Variants in ZNF106 observed in about 807,000 individuals in gnomAD.
ZNF106 encodes zinc finger protein 106, also known as SH3-domain binding protein 3.
Under a neutral mutation model 195.1 loss-of-function variants are expected in ZNF106, and 67 were observed. The observed-to-expected ratio is 0.34, with a 90% CI of 0.28 to 0.42. The LOEUF is 0.42. Among genes scored for constraint, ZNF106 ranks in the 10% least tolerant of loss-of-function variants. The pLI, the probability that ZNF106 is intolerant of heterozygous loss-of-function variation, is 1.00. For synonymous variants in ZNF106, 784 were observed against 818.6 expected, an observed-to-expected ratio of 0.96 and a Z score of 0.72; for missense variants, 2,118 against 2,304.5, an observed-to-expected ratio of 0.92 and a Z score of 1.66.
chr15:42,467,028 G>A (rs1307284384), intron 2 of ZNF106, among the ~76,000 whole-genome samples: 1 of 152,198 alleles, frequency 6.6e-6, no homozygotes, highest in African/African-American at 2.4e-5. Flanking sequence ...AGCTAGTCAG[G>A]AGGCTGAGGC....
intron 20 of ZNF106, among the ~76,000 whole-genome samples, chr15:42,420,212 AAAT>A (rs374052110): frequency 4.0e-4 from 61 of 152,342 alleles, no homozygotes; most frequent in African/African-American, 1.4e-3. Context: ...CTTGAGTTTT[AAAT>A]TGCACATTAT....
intron 1 of ZNF106, among the ~76,000 whole-genome samples, chr15:42,479,858 AAAAT>A (rs1214036704): frequency 1.3e-5 from 2 of 152,052 alleles, no homozygotes; most frequent in African/African-American, 4.8e-5. Context: ...TAAATAAATA[AAAAT>A]AAATAAAGAC....
chr15:42,450,158 G>C lies in ZNF106; in HGVS notation c.2114C>G (p.Ser705Cys), dbSNP rs1488747164. The change falls in exon 5 of 22, where the codon TCT becomes TGT. Residue 705 changes from serine to cysteine, a missense_variant. Ser to Cys is a moderately radical substitution (Grantham distance 112). Transcript: ENST00000564754. ...TTCATAAGATACATGAGATTTAATA[G>C]AGTCATCAACCTGTGCATCTTCTAG... ...TSLEDAQVDDSIKSHVSYETE... is the reference protein window; with the variant it reads ...TSLEDAQVDDCIKSHVSYETE... 6.2e-7 allele frequency: 1 copy of C among 1,614,170 alleles called. No individual in the cohort carries two copies. Among genetic ancestry groups the C allele is most frequent in the South Asian group, 1.1e-5 (1 of 91,080 alleles).
At chr15:42,463,910 G>A (rs2056452769) in intron 3 of ZNF106, among the ~76,000 whole-genome samples, 1 of 152,210 alleles carries the variant, frequency 6.6e-6, no homozygotes, top group East Asian at 1.9e-4. Flanking sequence ...ATAAGAGACT[G>A]GGGGCAGGGA....
intron 14 of ZNF106, among the ~76,000 whole-genome samples, chr15:42,435,071 G>A (rs2055221676): frequency 6.6e-6 from 1 of 152,154 alleles, no homozygotes; most frequent in Non-Finnish European, 1.5e-5. Context: ...ACTGAGCCCG[G>A]CCTACATTTT....
rs74422116 is a variant in ZNF106 at position 42,455,139 on chromosome 15, G to A, written c.317+1819C>T. Among the ~76,000 whole-genome samples, 678 of 152,326 alleles carry A rather than the reference G, an allele frequency of 4.5e-3. 9 individuals carry two copies. The highest frequency in any genetic ancestry group is 0.031 in the Middle Eastern group (9 of 294). ...CAACTATATTAAAAGTAATGAAAAT[G>A]TCATTTGAAGGACTAAGCTACTAAA... On this transcript the variant is annotated intron_variant, in intron 4 of 21. Transcript: ENST00000564754.
In ZNF106 at chr15:42,413,066, C is replaced by T. The variant is rs758746509; in HGVS notation, c.*4238G>A. On this transcript the variant is annotated 3_prime_UTR_variant, in exon 22 of 22. Coordinates refer to ENST00000564754, the MANE Select transcript of ZNF106 (RefSeq NM_001366845.3). ...TCTTAAATAGGAGAAAGATTTTCAA[C>T]AGCTTTTCCTCCTTGACCCCCTCCT... is the stretch of plus-strand genomic sequence containing the variant. 5 of 152,196 alleles carry T rather than the reference C, an allele frequency of 3.3e-5. No individual in the cohort carries two copies. The highest frequency in any genetic ancestry group is 5.9e-5 in the Non-Finnish European group (4 of 68,028). 9.4% of individuals were successfully genotyped at this position (152,196 alleles called of 1,614,324 possible). A position where few individuals can be genotyped will look rare whatever the true frequency, so the allele number is the denominator to read the frequency against.
At position 42,465,944 on chromosome 15, in the gene ZNF106, TAAGAC is replaced by T. The variant is rs537184896; in HGVS notation, c.116+104_116+108del. ...AATTCTAAAAGGTTGTTCTACGCCA[TAAGAC>T]AACATTTGCTTTTGACGGATTACTG... On this transcript the variant is annotated intron_variant, in intron 3 of 21. Coordinates refer to ENST00000564754, the MANE Select transcript of ZNF106 (RefSeq NM_001366845.3). 1,108 of 882,028 alleles carry T rather than the reference TAAGAC, an allele frequency of 1.3e-3. 1 individual carries two copies. Among genetic ancestry groups the T allele is most frequent in the Non-Finnish European group, 1.7e-3 (1,024 of 600,754 alleles). The allele number at this position is 882,028 out of a possible 1,614,324, so 54.6% of individuals were successfully genotyped here. A position where few individuals can be genotyped will look rare whatever the true frequency, so the allele number is the denominator to read the frequency against.
intron 4 of ZNF106, among the ~76,000 whole-genome samples, chr15:42,452,472 G>A (rs999022830): frequency 6.6e-6 from 1 of 151,964 alleles, no homozygotes; most frequent in Non-Finnish European, 1.5e-5. Context: ...GCAGTGAGCT[G>A]AGATTATGCC....
In ZNF106 at chr15:42,450,102, C is replaced by T. The variant is rs748336891; in HGVS notation, c.2170G>A (p.Ala724Thr). The T allele has an allele frequency of 6.2e-7, 1 of 1,614,076 alleles. No homozygotes were observed. Among genetic ancestry groups the T allele is most frequent in the Non-Finnish European group, 8.5e-7 (1 of 1,180,036 alleles). Reference protein sequence around the residue: ...TEGFESASLDAELQKSDISQP... With the variant: ...TEGFESASLDTELQKSDISQP... ...CTGATGTCACTTTTTTGAAGCTCTG[C>T]ATCCAAGCTAGCACTCTCAAAGCCT... The change falls in exon 5 of 22, where the codon GCA becomes ACA. Residue 724 changes from alanine to threonine, a missense_variant. Physicochemically the swap from Ala to Thr is moderately conservative, Grantham distance 58. Transcript: ENST00000564754.
chr15:42,439,049 C>T lies in ZNF106; in HGVS notation c.4528G>A (p.Asp1510Asn). Residue 1510 changes from aspartate to asparagine, a missense_variant, in exon 11 of 22, where the codon GAT (aspartate) becomes AAT (asparagine). Coordinates refer to ENST00000564754, the MANE Select transcript of ZNF106 (RefSeq NM_001366845.3). ...STSEIGTRYK[D>N]GIPVSVAETQ... ...TATTCTTACCTTACAGGGATGCCATCTTTATAGCGAGTGCCAATTTCACTG... is the reference window on the plus strand; with the variant it reads ...TATTCTTACCTTACAGGGATGCCATTTTTATAGCGAGTGCCAATTTCACTG... 6.2e-7 allele frequency: 1 copy of T among 1,613,474 alleles called. No homozygotes were observed. The highest frequency in any genetic ancestry group is 8.5e-7 in the Non-Finnish European group (1 of 1,179,684).
intron 3 of ZNF106, among the ~76,000 whole-genome samples, chr15:42,461,053 C>T (rs1426960886): frequency 3.9e-5 from 6 of 152,036 alleles, no homozygotes; most frequent in Non-Finnish European, 7.4e-5. Context: ...CACACATCTG[C>T]GTTTTCAGGA....
intron 2 of ZNF106, among the ~76,000 whole-genome samples, chr15:42,468,068 C>CCT (rs1211217905): frequency 9.8e-6 from 1 of 102,132 alleles, no homozygotes; most frequent in African/African-American, 4.0e-5. Flanking sequence ...TTCAAAACGC[C>CCT]TTTTTTTTTT....
rs183708603 is a variant in ZNF106, at chr15:42,490,056, T to A, written c.-33+924A>T. On this transcript the variant is annotated intron_variant, in intron 1 of 21. Transcript: ENST00000564754. ...TCCGTCCTAAAAAAAATAATAATAA[T>A]AAAAATAAATAAAAATACAAAAAAT... Among the ~76,000 whole-genome samples, 559 of 149,982 alleles carry A rather than the reference T, an allele frequency of 3.7e-3. 3 individuals carry two copies. Among genetic ancestry groups the A allele is most frequent in the Middle Eastern group, 0.01 (3 of 290 alleles).
intron 1 of ZNF106, among the ~76,000 whole-genome samples, chr15:42,483,305 G>C (rs868675426): frequency 1.3e-5 from 2 of 152,194 alleles, no homozygotes; most frequent in Non-Finnish European, 2.9e-5. Context: ...TCTCATGTTT[G>C]CACTTTTGAG....
In ZNF106 at chr15:42,469,860, A is replaced by AC. The variant is rs1475315313; in HGVS notation, c.54+2375_54+2376insG. On this transcript the variant is annotated intron_variant, in intron 2 of 21. Coordinates refer to ENST00000564754, the MANE Select transcript of ZNF106 (RefSeq NM_001366845.3). The stretch of plus-strand genomic sequence containing the variant: ...CTCAAAATGAAACAAAACAACAACA[A>AC]AAAAAAAAAAAGAAAAAAAAGAAAG... 7.5e-5 allele frequency among the ~76,000 whole-genome samples: 11 copies of AC among 146,604 alleles called. No homozygotes were observed. In the East Asian group the frequency reaches 2.2e-3, roughly 29 times the overall value.
In ZNF106 at chr15:42,450,040, C is replaced by T. The variant is rs781376146; in HGVS notation, c.2232G>A (p.Lys744=). 6.2e-7 allele frequency: 1 copy of T among 1,614,162 alleles called. No individual in the cohort carries two copies. Among genetic ancestry groups the T allele is most frequent in the East Asian group, 2.2e-5 (1 of 44,882 alleles). The change falls in exon 5 of 22, where the codon AAG becomes AAA. Residue 744 remains lysine (K), a synonymous_variant. Coordinates refer to ENST00000564754, the MANE Select transcript of ZNF106 (RefSeq NM_001366845.3). ...PSGPLLPELS[K]LGFPASLQRD... ...TCTGAAGTGAGGCAGGAAAGCCAAG[C>T]TTACTTAGTTCAGGCAGGAGAGGGC...
rs139959105 is a variant in ZNF106 at position 42,416,201 on chromosome 15, G to A, written c.*1103C>T. On this transcript the variant is annotated 3_prime_UTR_variant, in exon 22 of 22. Transcript: ENST00000564754. The stretch of plus-strand genomic sequence containing the variant: ...CTGCTCCACTCTTCTTTCCCAGCTA[G>A]CAGGGAAGTGAAGGCAAAGAACTGT... 2.6e-5 allele frequency: 4 copies of A among 152,350 alleles called. No homozygotes were observed. The highest frequency in any genetic ancestry group is 5.9e-5 in the Non-Finnish European group (4 of 68,052). 9.4% of individuals were successfully genotyped at this position (152,350 alleles called of 1,614,324 possible).
In ZNF106 at chr15:42,450,344, C is replaced by T. The variant is rs767801087; in HGVS notation, c.1928G>A (p.Arg643Gln). The change falls in exon 5 of 22, where the codon CGA (arginine) becomes CAA (glutamine). Residue 643 changes from arginine (R) to glutamine (Q), a missense_variant. Transcript: ENST00000564754. ...ATTELLSGST[R>Q]TADEKEEDDR... ...ATCCTCCTCTTTCTCATCAGCAGTT[C>T]GAGTGCTGCCAGATAACAATTCTGT... 26 of 1,614,030 alleles carry T rather than the reference C, an allele frequency of 1.6e-5. No individual in the cohort carries two copies. The highest frequency in any genetic ancestry group is 3.3e-5 in the Admixed American group (2 of 59,990).
Sources: gnomAD v4.1 joint callset for allele counts (sites outside exome capture counted in the v4.1 genomes callset) on GRCh38, gnomAD v4.1.1 for gene constraint, MANE v1.5 for transcripts, NCBI Gene and HGNC (gene_info 2026-07-23, HGNC 2026-07-21) for gene names.